Variants in GUCY1A2 observed in about 807,000 individuals in gnomAD.
The protein encoded by GUCY1A2 is guanylate cyclase 1 soluble subunit alpha 2, also known as guanylate cyclase soluble subunit alpha-2.
Under a neutral mutation model 63.5 loss-of-function variants are expected in GUCY1A2, and 27 were observed. The observed-to-expected ratio is 0.43, with a 90% CI of 0.31 to 0.59. GUCY1A2 has a LOEUF of 0.59. Ranked by LOEUF, GUCY1A2 falls within the 20% of genes least tolerant of loss-of-function variation. GUCY1A2 has a pLI of 0.11. For synonymous variants in GUCY1A2, 364 were observed against 343.5 expected (o/e 1.06, Z -0.66); for missense variants, 768 against 913.3 (o/e 0.84, Z 2.05).
In GUCY1A2 at chr11:106,676,592, C is replaced by T. The variant is rs75613500; in HGVS notation, c.*10957G>A. 4,761 of 187,266 alleles carry T rather than the reference C, an allele frequency of 0.025. 81 individuals are homozygous for T. Among genetic ancestry groups the T allele is most frequent in the Non-Finnish European group, 0.036 (3,222 of 88,636 alleles). The allele number at this position is 187,266 out of a possible 1,614,324, so 11.6% of individuals were successfully genotyped here. A position where few individuals can be genotyped will look rare whatever the true frequency, so the allele number is the denominator to read the frequency against. ...AACCCTCAATAAGAACTCAAAACATCATACTATGCCAAGCTGAATTACAGA... is the reference window on the plus strand; with the variant it reads ...AACCCTCAATAAGAACTCAAAACATTATACTATGCCAAGCTGAATTACAGA... On this transcript the variant is annotated 3_prime_UTR_variant, in exon 8 of 8. Coordinates refer to ENST00000526355, the MANE Select transcript of GUCY1A2 (RefSeq NM_000855.3).
At chr11:106,807,379 T>A (rs1858704087) in intron 5 of GUCY1A2, among the ~76,000 whole-genome samples, 1 of 152,140 alleles carries the variant, frequency 6.6e-6, no homozygotes, top group African/African-American at 2.4e-5. Flanking sequence ...GTTTTCTAAT[T>A]TATATCCCTC....
intron 3 of GUCY1A2, among the ~76,000 whole-genome samples, chr11:106,975,535 T>C (rs949913275): frequency 6.6e-6 from 1 of 152,174 alleles, no homozygotes; most frequent in African/African-American, 2.4e-5. Flanking sequence ...GTCTACTATC[T>C]TTCTTTGCAT....
At position 106,878,694 on chromosome 11, in the gene GUCY1A2, G is replaced by C. The variant is rs184896596; in HGVS notation, c.1206+60766C>G. Among the ~76,000 whole-genome samples the C allele has an allele frequency of 2.6e-3, 390 of 150,918 alleles. 1 individual carries two copies. The highest frequency in any genetic ancestry group is 0.02 in the South Asian group (94 of 4,790). On this transcript the variant is annotated intron_variant, in intron 4 of 7. Coordinates refer to ENST00000526355, the MANE Select transcript of GUCY1A2 (RefSeq NM_000855.3). Reference sequence around the variant, plus strand: ...TAATGGGTACTAGGCCTAATACATGGTCAAGAAAATAATCTGTACAACAAA... The same window carrying C: ...TAATGGGTACTAGGCCTAATACATGCTCAAGAAAATAATCTGTACAACAAA...
intron 5 of GUCY1A2, among the ~76,000 whole-genome samples, chr11:106,783,352 C>T (rs190780951): frequency 5.3e-5 from 8 of 152,264 alleles, no homozygotes; most frequent in African/African-American, 1.9e-4. Context: ...AGCACAGGTC[C>T]AACAATAGAT....
chr11:106,742,516 G>A (rs1863712639), intron 6 of GUCY1A2, among the ~76,000 whole-genome samples: 1 of 152,150 alleles, frequency 6.6e-6, no homozygotes, highest in Non-Finnish European at 1.5e-5. Context: ...AAAAGGACAT[G>A]ATCTTGTTCC....
intron 1 of GUCY1A2, among the ~76,000 whole-genome samples, chr11:106,992,325 CTTTTTT>C (rs11297661): frequency 4.4e-5 from 5 of 113,754 alleles, no homozygotes; most frequent in East Asian, 2.8e-4. Flanking sequence ...AAGAATATGT[CTTTTTT>C]TTTTTTTTTT....
At chr11:106,829,301 A>G (rs2135435803) in intron 4 of GUCY1A2, among the ~76,000 whole-genome samples, 1 of 152,312 alleles carries the variant, frequency 6.6e-6, no homozygotes, top group Middle Eastern at 3.4e-3. Flanking sequence ...TTTATAAATT[A>G]AGAGAGCCCT....
intron 6 of GUCY1A2, among the ~76,000 whole-genome samples, chr11:106,760,666 C>CA (rs1231381237): frequency 6.6e-6 from 1 of 151,886 alleles, no homozygotes. Context: ...CTGGTATTTT[C>CA]AAAAAATTAA....
intron 6 of GUCY1A2, among the ~76,000 whole-genome samples, chr11:106,753,606 G>A (rs117108331): frequency 0.2 from 30,702 of 151,970 alleles, 3,566 homozygotes; most frequent in South Asian, 0.27. Flanking sequence ...TCCCAACACT[G>A]TTTATTAAAT....
chr11:106,854,979 T>C (rs1240141789), intron 4 of GUCY1A2, among the ~76,000 whole-genome samples: 1 of 152,148 alleles, frequency 6.6e-6, no homozygotes, highest in East Asian at 1.9e-4. Flanking sequence ...TTAGCTGTCA[T>C]TGTGGTGTTG....
Position 106,861,389 on chromosome 11 carries a change from C to A in GUCY1A2, c.1207-50911G>T, listed in dbSNP as rs1417937907. 2.0e-5 allele frequency among the ~76,000 whole-genome samples: 3 copies of A among 152,080 alleles called. No homozygotes were observed. In the East Asian group the frequency reaches 5.8e-4, roughly 29 times the overall value. ...CTGTTGTGTGTACTCAATAACAAAT[C>A]AGTATTCTTTTTTCCCATATTGATG... On this transcript the variant is annotated intron_variant, in intron 4 of 7. Transcript: ENST00000526355.
chr11:106,822,715 AG>A (rs1362893908), intron 4 of GUCY1A2, among the ~76,000 whole-genome samples: 1 of 152,204 alleles, frequency 6.6e-6, no homozygotes, highest in Non-Finnish European at 1.5e-5. Context: ...GGTCTCAAAA[AG>A]TCTAGAGTTT....
chr11:106,798,750 T>C (rs955105075), intron 5 of GUCY1A2, among the ~76,000 whole-genome samples: 3 of 152,168 alleles, frequency 2.0e-5, no homozygotes, highest in Non-Finnish European at 4.4e-5. Flanking sequence ...AATTAGGTAT[T>C]GATGGGACGT....
At chr11:106,930,601 C>T (rs1008156435) in intron 4 of GUCY1A2, among the ~76,000 whole-genome samples, 2 of 152,140 alleles carry the variant, frequency 1.3e-5, no homozygotes, top group African/African-American at 4.8e-5. Flanking sequence ...AAGAAAGATG[C>T]TGTAGCTTAA....
At chr11:106,908,472 C>T (rs867370825) in intron 4 of GUCY1A2, among the ~76,000 whole-genome samples, 7 of 151,550 alleles carry the variant, frequency 4.6e-5, no homozygotes, top group Admixed American at 3.3e-4. Flanking sequence ...AAGGATATAC[C>T]TATACATAAA....
intron 1 of GUCY1A2, among the ~76,000 whole-genome samples, chr11:107,016,343 G>A (rs553307179): frequency 2.6e-5 from 4 of 152,362 alleles, no homozygotes; most frequent in African/African-American, 9.6e-5. Flanking sequence ...GAGGTTTGAC[G>A]CTGAATCTTT....
intron 4 of GUCY1A2, among the ~76,000 whole-genome samples, chr11:106,852,085 C>T (rs1039221929): frequency 5.9e-5 from 9 of 151,692 alleles, no homozygotes; most frequent in Non-Finnish European, 1.5e-5. Context: ...TAATTTATTC[C>T]TAGGTATTTT....
At chr11:106,760,127 G>A (rs559233577) in intron 6 of GUCY1A2, among the ~76,000 whole-genome samples, 8 of 152,184 alleles carry the variant, frequency 5.3e-5, no homozygotes, top group South Asian at 2.1e-4. Flanking sequence ...CGTTGATCTC[G>A]GGATTCTAGC....
chr11:106,879,262 C>T (rs1342806340), intron 4 of GUCY1A2, among the ~76,000 whole-genome samples: 16 of 152,068 alleles, frequency 1.1e-4, no homozygotes, highest in Admixed American at 4.6e-4. Context: ...TCATCGATGG[C>T]GTGATTCATA....
Sources: allele counts gnomAD v4.1 joint callset (sites outside exome capture counted in the v4.1 genomes callset), GRCh38; gene constraint gnomAD v4.1.1; transcripts MANE v1.5; gene names NCBI Gene and HGNC (gene_info 2026-07-23, HGNC 2026-07-21).